The following VDAC1 variants were observed in gnomAD, a reference collection of about 807,000 sequenced individuals.
VDAC1 encodes the protein voltage dependent anion channel 1, also known as non-selective voltage-gated ion channel VDAC1.
VDAC1 carries 10 observed loss-of-function variants against 34.7 expected under a neutral mutation model. The ratio of observed to expected loss-of-function variants is 0.29; its 90% confidence interval spans 0.18 to 0.49. The LOEUF (loss-of-function observed/expected upper bound fraction) is 0.49, where lower values mean the gene tolerates loss of function less well. VDAC1 is among the 20% of genes least tolerant of loss of function. VDAC1 has a pLI of 0.99. For missense variants in VDAC1, 230 were observed against 347.9 expected, an observed-to-expected ratio of 0.66 and a Z score of 2.69; for synonymous variants, 130 against 136.0, an observed-to-expected ratio of 0.96 and a Z score of 0.30.
the VDAC1 span, among the ~76,000 whole-genome samples, chr5:134,041,678 A>T: frequency 2.6e-5 from 4 of 152,184 alleles, no homozygotes; most frequent in South Asian, 8.3e-4. Context: ...AACATCACAC[A>T]GCAAGGGGCC....
the VDAC1 span, among the ~76,000 whole-genome samples, chr5:134,031,950 C>CAAA: frequency 4.4e-5 from 3 of 68,768 alleles, no homozygotes; most frequent in African/African-American, 5.8e-5. Flanking sequence ...GACCCCATCT[C>CAAA]AAAAAAAAAA....
intron 3 of VDAC1, 135 bp downstream of exon 3, chr5:133,992,171 G>C (rs1040349774): frequency 2.9e-5 from 15 of 513,034 alleles, no homozygotes; most frequent in African/African-American, 2.6e-4. Context: ...AAGAAGTGGA[G>C]GTTGTGGTGA....
chr5:134,036,647 C>A, the VDAC1 span, among the ~76,000 whole-genome samples: 1 of 131,876 alleles, frequency 7.6e-6, no homozygotes, highest in African/African-American at 2.7e-5. Flanking sequence ...CAGAGCAAGA[C>A]ACTGTCTTTT....
At chr5:134,095,179 C>T in the VDAC1 span, among the ~76,000 whole-genome samples, 336 of 152,190 alleles carry the variant, frequency 2.2e-3, 5 homozygotes, top group South Asian at 0.031. Flanking sequence ...TGCAAATATA[C>T]GTCTCAAAAA....
At chr5:133,976,076 C>G (rs1480216651) in intron 6 of VDAC1, 55 bp from the exon 7 acceptor site, 3 of 1,607,460 alleles carry the variant, frequency 1.9e-6, no homozygotes, top group Non-Finnish European at 2.6e-6. Context: ...AGCTGCAGCC[C>G]AGACAGATCC....
At position 133,991,070 on chromosome 5, in the gene VDAC1, C is replaced by T. The variant is rs750333869; in HGVS notation, c.202G>A (p.Gly68Ser). The T allele has an allele frequency of 3.1e-6, 5 of 1,614,110 alleles. No homozygotes were observed. Among genetic ancestry groups the T allele is most frequent in the East Asian group, 2.2e-5 (1 of 44,886 alleles). The change falls in exon 4 of 9, where the codon GGC becomes AGC. Residue 68 changes from glycine (G) to serine (S), a missense_variant. Physicochemically the swap from Gly to Ser is moderately conservative, Grantham distance 56. Transcript: ENST00000265333. ...TTCCATTTCTCTGTAAACGTCAGGC[C>T]GTACTCAGTCCATCTGTACTTGGTT... ...LETKYRWTEY[G>S]LTFTEKWNTD...
At chr5:134,028,845 T>C in the VDAC1 span, among the ~76,000 whole-genome samples, 1 of 152,200 alleles carries the variant, frequency 6.6e-6, no homozygotes, top group South Asian at 2.1e-4. Flanking sequence ...GTTTAAAATA[T>C]GTCCACATAT....
At chr5:134,041,581 C>A in the VDAC1 span, among the ~76,000 whole-genome samples, 9 of 152,354 alleles carry the variant, frequency 5.9e-5, no homozygotes, top group African/African-American at 2.2e-4. Flanking sequence ...CCCCTCCCCA[C>A]TCCAGTGGGG....
the VDAC1 span, among the ~76,000 whole-genome samples, chr5:134,066,370 T>G: frequency 6.6e-6 from 1 of 152,248 alleles, no homozygotes; most frequent in African/African-American, 2.4e-5. Flanking sequence ...AAGGTGTGAA[T>G]GCAGCTATAG....
chr5:134,026,757 C>G, the VDAC1 span, among the ~76,000 whole-genome samples: 2 of 152,174 alleles, frequency 1.3e-5, no homozygotes, highest in African/African-American at 2.4e-5. Context: ...TACTCACCAA[C>G]AAGTGGCAGC....
At chr5:134,096,899 T>G in the VDAC1 span, among the ~76,000 whole-genome samples, 1 of 152,274 alleles carries the variant, frequency 6.6e-6, no homozygotes, top group East Asian at 1.9e-4. Context: ...CATCTTTAGA[T>G]GGACAGTTAT....
chr5:134,094,628 C>T, the VDAC1 span, among the ~76,000 whole-genome samples: 1 of 128,770 alleles, frequency 7.8e-6, no homozygotes, highest in Non-Finnish European at 1.6e-5. Context: ...ACCCGGGAGG[C>T]GGAGCTTGCA....
Position 133,980,929 on chromosome 5 carries a change from C to G in VDAC1, c.351G>C (p.Gly117=), listed in dbSNP as rs773728218. The change falls in exon 6 of 9, where the codon GGG becomes GGC. Residue 117 remains glycine (G), a synonymous_variant. Coordinates refer to ENST00000265333, the MANE Select transcript of VDAC1 (RefSeq NM_003374.3). ...CCAGGTTAATGTGCTCCCGCTTGTA[C>G]CCTGTCTTGATTTTAGCATTTTTTT... is the stretch of plus-strand genomic sequence containing the variant. ...TGKKNAKIKT[G]YKREHINLGC... 5.6e-6 allele frequency: 9 copies of G among 1,614,016 alleles called. No individual in the cohort carries two copies. In the East Asian group the frequency reaches 6.7e-5, roughly 12 times the overall value.
intron 1 of VDAC1, among the ~76,000 whole-genome samples, chr5:134,000,014 G>A (rs912646968): frequency 6.6e-6 from 1 of 152,106 alleles, no homozygotes; most frequent in Non-Finnish European, 1.5e-5. Context: ...TCCTAGCCCT[G>A]AGGACCAGGA....
chr5:134,043,539 T>C, the VDAC1 span, among the ~76,000 whole-genome samples: 2 of 152,192 alleles, frequency 1.3e-5, no homozygotes, highest in South Asian at 2.1e-4. Context: ...TTTTCTTTTT[T>C]CTTTTTTTTT....
chr5:134,025,022 A>C, the VDAC1 span, among the ~76,000 whole-genome samples: 6 of 152,378 alleles, frequency 3.9e-5, no homozygotes, highest in East Asian at 1.2e-3. Flanking sequence ...TGGTGAAGCC[A>C]AGCCACTGCC....
At chr5:133,977,601 G>A (rs981847021) in intron 6 of VDAC1, among the ~76,000 whole-genome samples, 7 of 152,084 alleles carry the variant, frequency 4.6e-5, no homozygotes, top group African/African-American at 1.4e-4. Context: ...GAAGAGCTCA[G>A]AGTCTACACT....
chr5:134,077,307 T>C, the VDAC1 span, among the ~76,000 whole-genome samples: 12 of 148,220 alleles, frequency 8.1e-5, 1 homozygote, highest in Non-Finnish European at 1.5e-5. Flanking sequence ...GGATTAAACA[T>C]TCACCCTTAA....
the VDAC1 span, among the ~76,000 whole-genome samples, chr5:134,098,068 A>G: frequency 6.6e-6 from 1 of 151,630 alleles, no homozygotes; most frequent in Non-Finnish European, 1.5e-5. Flanking sequence ...ACGGGGTTTG[A>G]CCATTTTGCC....
Sources: gnomAD v4.1 joint callset for allele counts (sites outside exome capture counted in the v4.1 genomes callset) on GRCh38, gnomAD v4.1.1 for gene constraint, MANE v1.5 for transcripts, NCBI Gene and HGNC (gene_info 2026-07-23, HGNC 2026-07-21) for gene names.